Variants in CNTN3 observed in about 807,000 individuals in gnomAD.
The protein encoded by CNTN3 is contactin 3.
In CNTN3, 60 loss-of-function variants were observed where a neutral mutation model predicts 119.1. The observed-to-expected ratio is 0.50, with a 90% CI of 0.41 to 0.62. The LOEUF is 0.62. Among genes scored for constraint, CNTN3 ranks in the 20% least tolerant of loss-of-function variants. The probability of loss-of-function intolerance (pLI) is 0.00; values close to 1 mark genes in which losing one functional copy is unlikely to be tolerated. For synonymous variants in CNTN3, 450 were observed against 438.7 expected (o/e 1.03, Z -0.32); for missense variants, 1,101 against 1,242.4 (o/e 0.89, Z 1.71).
intron 20 of CNTN3, among the ~76,000 whole-genome samples, chr3:74,282,765 T>C (rs1455352421): frequency 2.6e-5 from 4 of 152,210 alleles, no homozygotes; most frequent in Non-Finnish European, 5.9e-5. Context: ...ATATTATTAA[T>C]GGCTCTAAGA....
chr3:74,576,119 TG>T (rs1704412062), intron 1 of CNTN3, among the ~76,000 whole-genome samples: 1 of 152,170 alleles, frequency 6.6e-6, no homozygotes, highest in Non-Finnish European at 1.5e-5. Flanking sequence ...CCGCCTCTTT[TG>T]GCCTCATTCC....
At chr3:74,485,483 G>A (rs773426985) in intron 4 of CNTN3, among the ~76,000 whole-genome samples, 3 of 151,872 alleles carry the variant, frequency 2.0e-5, no homozygotes, top group African/African-American at 7.2e-5. Context: ...AGAATATAAT[G>A]GCACAAGCAA....
intron 2 of CNTN3, among the ~76,000 whole-genome samples, chr3:74,519,828 T>C (rs1413909721): frequency 6.6e-6 from 1 of 151,686 alleles, no homozygotes; most frequent in African/African-American, 2.4e-5. Flanking sequence ...AGGAACAAAA[T>C]TGAGGCATCA....
chr3:74,488,591 G>A (rs147502648), intron 3 of CNTN3, among the ~76,000 whole-genome samples: 2 of 152,242 alleles, frequency 1.3e-5, no homozygotes, highest in Admixed American at 1.3e-4. Flanking sequence ...TTTAATGACT[G>A]AGTAGTAAAG....
At chr3:74,432,000 T>G (rs1325108865) in intron 4 of CNTN3, among the ~76,000 whole-genome samples, 1 of 151,864 alleles carries the variant, frequency 6.6e-6, no homozygotes, top group Non-Finnish European at 1.5e-5. Context: ...AGTGATAATT[T>G]GTACCAGGAA....
chr3:74,363,021 T>C (rs781554285), intron 10 of CNTN3, among the ~76,000 whole-genome samples: 1 of 152,206 alleles, frequency 6.6e-6, no homozygotes, highest in Non-Finnish European at 1.5e-5. Context: ...TATTTCTTCA[T>C]ACACAACAAT....
chr3:74,295,085 A>AAC (rs754656964), intron 19 of CNTN3, 36 bp downstream of exon 19: 1 of 1,356,326 alleles, frequency 7.4e-7, no homozygotes, highest in Non-Finnish European at 1.1e-6. Flanking sequence ...GTGGCACGGT[A>AAC]ACACACATAC....
At chr3:74,525,249 T>A (rs1291680635) in intron 1 of CNTN3, among the ~76,000 whole-genome samples, 1 of 151,934 alleles carries the variant, frequency 6.6e-6, no homozygotes, top group Non-Finnish European at 1.5e-5. Flanking sequence ...AGAAAAGATA[T>A]GTTAATATCA....
At chr3:74,517,455 A>G (rs1304988657) in intron 2 of CNTN3, among the ~76,000 whole-genome samples, 8 of 151,966 alleles carry the variant, frequency 5.3e-5, no homozygotes, top group Non-Finnish European at 1.2e-4. Context: ...CTGTCCGTTC[A>G]GTAACACTAA....
At chr3:74,307,881 C>T (rs1401179475) in intron 13 of CNTN3, among the ~76,000 whole-genome samples, 1 of 152,118 alleles carries the variant, frequency 6.6e-6, no homozygotes, top group Non-Finnish European at 1.5e-5. Flanking sequence ...AAAAAAATTA[C>T]ATTTTGATGG....
intron 1 of CNTN3, among the ~76,000 whole-genome samples, chr3:74,592,007 G>C (rs1704710910): frequency 6.6e-6 from 1 of 151,884 alleles, no homozygotes; most frequent in Non-Finnish European, 1.5e-5. Flanking sequence ...GCAAGCAAGG[G>C]AAGAAGGCTA....
intron 4 of CNTN3, among the ~76,000 whole-genome samples, chr3:74,478,997 A>G (rs1013671484): frequency 3.3e-5 from 5 of 152,126 alleles, no homozygotes; most frequent in Admixed American, 3.3e-4. Context: ...TAAAAACTCA[A>G]TAGAAGTGTT....
At chr3:74,301,254 G>A in intron 16 of CNTN3, 144 bp downstream of exon 16, 1 of 793,090 alleles carries the variant, frequency 1.3e-6, no homozygotes, top group African/African-American at 1.7e-5. Context: ...AATGCCATAT[G>A]GCCAGTTCTG....
intron 20 of CNTN3, among the ~76,000 whole-genome samples, chr3:74,267,925 T>G (rs1052566772): frequency 1.3e-5 from 2 of 152,100 alleles, no homozygotes; most frequent in Non-Finnish European, 2.9e-5. Context: ...GAGCCAGCCT[T>G]GTATGATAAG....
At chr3:74,508,066 T>C (rs973616653) in intron 2 of CNTN3, among the ~76,000 whole-genome samples, 1 of 152,140 alleles carries the variant, frequency 6.6e-6, no homozygotes, top group Non-Finnish European at 1.5e-5. Flanking sequence ...TGAGTAGGCT[T>C]TGTGTCTCCA....
chr3:74,317,798 C>T (rs375102191), intron 13 of CNTN3, among the ~76,000 whole-genome samples: 2 of 152,066 alleles, frequency 1.3e-5, no homozygotes, highest in Non-Finnish European at 2.9e-5. Flanking sequence ...ACTTTGGTGA[C>T]TCTGACAATT....
chr3:74,315,657 G>A (rs1006793350), intron 13 of CNTN3, among the ~76,000 whole-genome samples: 1 of 152,048 alleles, frequency 6.6e-6, no homozygotes, highest in African/African-American at 2.4e-5. Flanking sequence ...TCAAATACTT[G>A]GATATTAAAT....
intron 13 of CNTN3, among the ~76,000 whole-genome samples, chr3:74,325,782 G>C (rs946590952): frequency 6.6e-6 from 1 of 152,126 alleles, no homozygotes; most frequent in African/African-American, 2.4e-5. Flanking sequence ...GTATATAAGA[G>C]AAAGGCATAG....
chr3:74,551,754 CTTTTTTTTTTT>C (rs776621925), intron 1 of CNTN3, among the ~76,000 whole-genome samples: 1 of 60,178 alleles, frequency 1.7e-5, no homozygotes, highest in Admixed American at 2.3e-4. Context: ...TCTTCTTCTT[CTTTTTTTTTTT>C]TTTTTTTTTT....
Sources: allele counts gnomAD v4.1 joint callset (sites outside exome capture counted in the v4.1 genomes callset), GRCh38; gene constraint gnomAD v4.1.1; transcripts MANE v1.5; gene names NCBI Gene and HGNC (gene_info 2026-07-23, HGNC 2026-07-21).